COL9A1: variants seen among roughly 807,000 people sequenced by gnomAD.
The protein encoded by COL9A1 is collagen type IX alpha 1 chain.
A neutral mutation model predicts 142.6 loss-of-function variants in COL9A1; 104 were observed. The ratio of observed to expected loss-of-function variants is 0.73; its 90% CI spans 0.62 to 0.86. COL9A1 has a LOEUF of 0.86. Among genes scored for constraint, COL9A1 ranks in the 40% least tolerant of loss-of-function variants. The pLI is 0.00. For synonymous variants in COL9A1, 466 were observed against 396.0 expected, an observed-to-expected ratio of 1.18 and a Z score of -2.10; for missense variants, 1,210 against 1,176.6, an observed-to-expected ratio of 1.03 and a Z score of -0.42.
At chr6:70,279,885 C>A in intron 10 of COL9A1, 2 of 499,492 alleles carry the variant, frequency 4.0e-6, no homozygotes, top group East Asian at 5.9e-5. Context: ...TTAGAAAAGT[C>A]TTTAGTTTTT....
chr6:70,269,647 C>A lies in COL9A1; in HGVS notation c.1216G>T (p.Asp406Tyr). Reference sequence around the variant, plus strand: ...AAGCATCTTACCAATGGATCTCCATCATGAAAGCCAATTGTTCCCTAAAGT... The same window carrying A: ...AAGCATCTTACCAATGGATCTCCATAATGAAAGCCAATTGTTCCCTAAAGT... ...PGPRGTIGFHDGDPLCPNACP... is the reference protein window; with the variant it reads ...PGPRGTIGFHYGDPLCPNACP... Residue 406 changes from aspartate (D) to tyrosine (Y), a missense_variant, in exon 16 of 38, where the codon GAT (aspartate) becomes TAT (tyrosine). Coordinates refer to ENST00000357250, the MANE Select transcript of COL9A1 (RefSeq NM_001851.6). The A allele has an allele frequency of 6.3e-7, 1 of 1,594,016 alleles. No individual in the cohort carries two copies. Among genetic ancestry groups the A allele is most frequent in the Non-Finnish European group, 8.6e-7 (1 of 1,161,746 alleles).
chr6:70,267,988 TAGAG>T (rs1046193768), intron 17 of COL9A1, among the ~76,000 whole-genome samples: 1 of 152,146 alleles, frequency 6.6e-6, no homozygotes, highest in Non-Finnish European at 1.5e-5. Context: ...ACTGAGAGAC[TAGAG>T]AGAGAGAAAG....
intron 17 of COL9A1, among the ~76,000 whole-genome samples, chr6:70,267,327 G>GTTTTTTTTTTTTTTTTTTTTTTTTTT (rs61373051): frequency 1.6e-5 from 2 of 127,032 alleles, no homozygotes; most frequent in African/African-American, 3.0e-5. Flanking sequence ...TGGTTTTTTT[G>GTTTTTTTTTTTTTTTTTTTTTTTTTT]TTTTTTTTTT....
intron 7 of COL9A1, among the ~76,000 whole-genome samples, chr6:70,282,286 G>A (rs1172279945): frequency 1.3e-5 from 2 of 152,242 alleles, no homozygotes; most frequent in Non-Finnish European, 2.9e-5. Flanking sequence ...CGACCAAACA[G>A]GTTACAATGG....
intron 37 of COL9A1, among the ~76,000 whole-genome samples, chr6:70,222,455 C>T (rs756692530): frequency 1.6e-4 from 24 of 152,180 alleles, no homozygotes; most frequent in Non-Finnish European, 5.9e-5. Flanking sequence ...CTAGATTGTG[C>T]ATGTGTACTT....
chr6:70,300,889 T>C lies in COL9A1; in HGVS notation c.89-503A>G, dbSNP rs1774037337. On this transcript the variant is annotated intron_variant, in intron 2 of 37. Coordinates refer to ENST00000357250, the MANE Select transcript of COL9A1 (RefSeq NM_001851.6). Reference sequence around the variant, plus strand: ...CAACCTTGGTCCAGTTCAGTGGGGCTTCTGGAGAGTAGAGTTCTTAGGAAT... The same window carrying C: ...CAACCTTGGTCCAGTTCAGTGGGGCCTCTGGAGAGTAGAGTTCTTAGGAAT... Among the ~76,000 whole-genome samples the C allele has an allele frequency of 2.0e-5, 3 of 152,196 alleles. No homozygotes were observed. In the South Asian group the frequency reaches 6.2e-4, roughly 32 times the overall value.
intron 11 of COL9A1, 105 bp downstream of exon 11, chr6:70,274,614 A>G (rs1208578425): frequency 1.1e-6 from 1 of 925,956 alleles, no homozygotes; most frequent in Admixed American, 1.8e-5. Context: ...GAACGAGTGC[A>G]TTTTAGATAC....
At chr6:70,263,223 A>AT (rs769058356) in intron 19 of COL9A1, 21 bp downstream of exon 19, 1 of 1,568,326 alleles carries the variant, frequency 6.4e-7, no homozygotes, top group Non-Finnish European at 8.7e-7. Context: ...CTAGTTAAAT[A>AT]TTTTTTAAAA....
At chr6:70,266,197 G>T (rs569446256) in intron 18 of COL9A1, among the ~76,000 whole-genome samples, 1 of 152,100 alleles carries the variant, frequency 6.6e-6, no homozygotes, top group African/African-American at 2.4e-5. Flanking sequence ...AGATAATAAC[G>T]TAAGTTATTA....
intron 21 of COL9A1, among the ~76,000 whole-genome samples, chr6:70,256,437 C>CA (rs1314286436): frequency 1.3e-4 from 20 of 151,542 alleles, no homozygotes; most frequent in Non-Finnish European, 1.9e-4. Flanking sequence ...CCATAGAAAA[C>CA]AAAAAATATC....
intron 37 of COL9A1, among the ~76,000 whole-genome samples, chr6:70,218,421 AAG>A (rs1768664814): frequency 6.6e-6 from 1 of 152,168 alleles, no homozygotes; most frequent in Non-Finnish European, 1.5e-5. Context: ...CCCCATAACA[AAG>A]AGGAATTTCT....
chr6:70,252,334 A>G lies in COL9A1; in HGVS notation c.1765-19T>C, dbSNP rs543803249. ...TGCTACCCTAAGGGTAAAATGCAAC[A>G]TCCAAAATAACTCATGCTGAAGTAA... On this transcript the variant is annotated intron_variant, in intron 26 of 37. Coordinates refer to ENST00000357250, the MANE Select transcript of COL9A1 (RefSeq NM_001851.6). The G allele has an allele frequency of 7.4e-6, 12 of 1,611,374 alleles. No individual in the cohort carries two copies. The South Asian group carries it at 1.3e-4, about 18-fold the overall frequency.
chr6:70,220,747 AT>A (rs1397890840), intron 37 of COL9A1, among the ~76,000 whole-genome samples: 1 of 152,192 alleles, frequency 6.6e-6, no homozygotes, highest in African/African-American at 2.4e-5. Context: ...ATGGGCATAA[AT>A]GGTTAGCCCA....
chr6:70,239,136 C>T, intron 33 of COL9A1, 118 bp downstream of exon 33: 1 of 739,734 alleles, frequency 1.4e-6, no homozygotes. Flanking sequence ...GAGACTCCAT[C>T]TCAAAAAAAA....
intron 28 of COL9A1, among the ~76,000 whole-genome samples, chr6:70,244,206 T>C (rs556338083): frequency 2.2e-4 from 33 of 152,340 alleles, no homozygotes; most frequent in Middle Eastern, 3.4e-3. Flanking sequence ...CTTTTAAACA[T>C]TTTTCAACAA....
intron 5 of COL9A1, among the ~76,000 whole-genome samples, chr6:70,291,055 T>C (rs1238869903): frequency 6.6e-6 from 1 of 152,126 alleles, no homozygotes; most frequent in Non-Finnish European, 1.5e-5. Context: ...AGGTAGTCAT[T>C]GTTCATCTTC....
chr6:70,280,775 C>T (rs1294055427), intron 10 of COL9A1, 37 bp downstream of exon 10: 2 of 1,598,270 alleles, frequency 1.3e-6, no homozygotes, highest in East Asian at 2.3e-5. Context: ...CACCACACAC[C>T]CCAGGCTGGG....
intron 37 of COL9A1, 104 bp from the exon 38 acceptor site, chr6:70,217,185 G>A (rs778257967): frequency 3.9e-6 from 4 of 1,028,248 alleles, no homozygotes; most frequent in Admixed American, 1.9e-5. Flanking sequence ...TTTAACAAAC[G>A]CTTTTGGAAG....
intron 28 of COL9A1, among the ~76,000 whole-genome samples, chr6:70,243,562 C>T (rs1384979654): frequency 6.6e-6 from 1 of 151,860 alleles, no homozygotes; most frequent in African/African-American, 2.4e-5. Context: ...GAGTCTTTCT[C>T]TGTTGCCCAG....
Sources: gnomAD v4.1 joint callset for allele counts (sites outside exome capture counted in the v4.1 genomes callset) on GRCh38, gnomAD v4.1.1 for gene constraint, MANE v1.5 for transcripts, NCBI Gene and HGNC (gene_info 2026-07-23, HGNC 2026-07-21) for gene names.